The following CFHR4 variants were observed in gnomAD, a reference collection of about 807,000 sequenced individuals.
CFHR4 encodes the protein complement factor H-related protein 4.
In CFHR4, 64 loss-of-function variants were observed where a neutral mutation model predicts 69.3. The ratio of observed to expected loss-of-function variants is 0.92; its 90% CI spans 0.76 to 1.14. The LOEUF is 1.14. Among genes scored for constraint, CFHR4 ranks in the 50% most tolerant of loss-of-function variants. The pLI is 0.00. For missense variants in CFHR4, 636 were observed against 684.9 expected (o/e 0.93, Z 0.80); for synonymous variants, 244 against 237.0 (o/e 1.03, Z -0.27).
chr1:196,906,812 G>C (rs1341039734), intron 3 of CFHR4, 49 bp from the exon 4 acceptor site: 1 of 1,554,406 alleles, frequency 6.4e-7, no homozygotes, highest in Non-Finnish European at 8.7e-7. Flanking sequence ...TAGTCGAGTT[G>C]TACATCATAT....
intron 1 of CFHR4, among the ~76,000 whole-genome samples, chr1:196,895,641 T>C (rs1043904299): frequency 6.6e-6 from 1 of 151,518 alleles, no homozygotes; most frequent in Non-Finnish European, 1.5e-5. Flanking sequence ...CCTTTATTCA[T>C]ATTTCCATTT....
At chr1:196,910,238 A>G (rs959411831) in intron 5 of CFHR4, 43 bp from the exon 6 acceptor site, 3 of 1,152,194 alleles carry the variant, frequency 2.6e-6, no homozygotes, top group Non-Finnish European at 3.7e-6. Context: ...ATTGTCTGTT[A>G]CAGTGAAACA....
intron 9 of CFHR4, among the ~76,000 whole-genome samples, chr1:196,917,975 C>T (rs1452876074): frequency 6.6e-6 from 1 of 151,530 alleles, no homozygotes; most frequent in Non-Finnish European, 1.5e-5. Context: ...GAAAGACTGC[C>T]AGGGTTCACG....
intron 9 of CFHR4, among the ~76,000 whole-genome samples, chr1:196,915,746 G>T (rs1310874201): frequency 2.0e-5 from 3 of 151,466 alleles, no homozygotes; most frequent in Non-Finnish European, 4.4e-5. Flanking sequence ...TTTGTTAATG[G>T]ATACAATGAG....
intron 1 of CFHR4, among the ~76,000 whole-genome samples, chr1:196,898,850 G>A (rs1657446596): frequency 6.6e-6 from 1 of 151,422 alleles, no homozygotes; most frequent in Non-Finnish European, 1.5e-5. Context: ...ACAGATTTTG[G>A]TAGGAGGTCC....
intron 9 of CFHR4, among the ~76,000 whole-genome samples, chr1:196,916,031 C>A (rs796679537): frequency 6.8e-6 from 1 of 146,344 alleles, no homozygotes; most frequent in South Asian, 2.1e-4. Flanking sequence ...AAGAAATTAA[C>A]GAAACTTCAG....
intron 9 of CFHR4, among the ~76,000 whole-genome samples, chr1:196,915,654 A>C (rs1658572048): frequency 6.6e-6 from 1 of 151,390 alleles, no homozygotes; most frequent in African/African-American, 2.4e-5. Context: ...AAAAATAAAA[A>C]ATAAAAAATA....
At chr1:196,896,799 C>T (rs940134048) in intron 1 of CFHR4, among the ~76,000 whole-genome samples, 1 of 151,524 alleles carries the variant, frequency 6.6e-6, no homozygotes, top group Non-Finnish European at 1.5e-5. Context: ...GAGTCAGATT[C>T]CAGGTGTTTC....
rs375105110 is a variant in CFHR4 at position 196,917,672 on chromosome 1, G to A, written c.1541-538G>A. 2.2e-4 allele frequency among the ~76,000 whole-genome samples: 33 copies of A among 151,560 alleles called. No homozygotes were observed. The South Asian group carries it at 6.6e-3, about 31-fold the overall frequency. On this transcript the variant is annotated intron_variant, in intron 9 of 9. Transcript: ENST00000608469. ...CAGATATTGAGGTGTATGTATGTAT[G>A]TATGTATGTATGTATATATAGAGAG...
chr1:196,918,317 T>C lies in CFHR4; in HGVS notation c.1648T>C (p.Cys550Arg), dbSNP rs760376271. 6.2e-7 allele frequency: 1 copy of C among 1,610,864 alleles called. No homozygotes were observed. The highest frequency in any genetic ancestry group is 1.7e-5 in the Admixed American group (1 of 59,900). ...AKTGDTIEFM[C>R]KLGYNANTSV... ...AACAGGGGATACCATTGAATTTATG[T>C]GTAAATTGGGATATAATGCGAATAC... Residue 550 changes from cysteine (C) to arginine (R), a missense_variant, in exon 10 of 10, where the codon TGT becomes CGT. Around this residue, in one of 3 missense-constraint regions of CFHR4, gnomAD observed 85 missense variants for 79.0 expected, o/e 1.08. Transcript: ENST00000608469.
Position 196,913,043 on chromosome 1 carries a change from A to T in CFHR4, c.1180+121A>T, listed in dbSNP as rs566106057. 5.9e-4 allele frequency: 891 copies of T among 1,516,708 alleles called. 24 individuals are homozygous for T. The African/African-American group carries it at 0.011, about 19-fold the overall frequency. The allele number at this position is 1,516,708 out of a possible 1,614,324, so 94.0% of individuals were successfully genotyped here. A position where few individuals can be genotyped will look rare whatever the true frequency, so the allele number is the denominator to read the frequency against. On this transcript the variant is annotated intron_variant, in intron 7 of 9. Coordinates refer to ENST00000608469, the MANE Select transcript of CFHR4 (RefSeq NM_001201550.3). The stretch of plus-strand genomic sequence containing the variant: ...GGAGTAAAGAGATACAAATACTTCT[A>T]AAACCATTCAACATTCTGTGCCAAA...
intron 1 of CFHR4, among the ~76,000 whole-genome samples, chr1:196,900,684 A>G (rs796539492): frequency 2.6e-5 from 4 of 151,630 alleles, no homozygotes; most frequent in African/African-American, 9.7e-5. Flanking sequence ...TAAATGATCT[A>G]TGTTGAAGTA....
At chr1:196,891,891 A>G (rs981361124) in intron 1 of CFHR4, among the ~76,000 whole-genome samples, 3 of 151,394 alleles carry the variant, frequency 2.0e-5, no homozygotes, top group Non-Finnish European at 4.4e-5. Context: ...CTCACCTGAT[A>G]CATGAATTCT....
intron 2 of CFHR4, 29 bp downstream of exon 2, chr1:196,902,644 G>A (rs748063336): frequency 2.4e-5 from 36 of 1,498,704 alleles, no homozygotes; most frequent in East Asian, 4.5e-5. Context: ...AAGAATATGT[G>A]CATAAAACTT....
At chr1:196,903,366 T>C (rs1571429213) in intron 2 of CFHR4, among the ~76,000 whole-genome samples, 2 of 151,172 alleles carry the variant, frequency 1.3e-5, no homozygotes, top group East Asian at 3.9e-4. Context: ...GAAATATAAG[T>C]CAGGGGCCAG....
intron 1 of CFHR4, among the ~76,000 whole-genome samples, chr1:196,901,299 T>C (rs1657587846): frequency 6.6e-6 from 1 of 151,316 alleles, no homozygotes; most frequent in African/African-American, 2.4e-5. Context: ...ATATGGACTG[T>C]AGGCCAAGAA....
At chr1:196,899,052 G>C (rs1657455554) in intron 1 of CFHR4, among the ~76,000 whole-genome samples, 1 of 151,682 alleles carries the variant, frequency 6.6e-6, no homozygotes. Context: ...CACACAACAA[G>C]TGGAGGAGAA....
At chr1:196,906,325 C>T (rs1318913235) in intron 3 of CFHR4, among the ~76,000 whole-genome samples, 2 of 151,392 alleles carry the variant, frequency 1.3e-5, no homozygotes, top group South Asian at 2.1e-4. Flanking sequence ...ATGCTTATCA[C>T]GGGCTCTGCA....
chr1:196,910,543 A>T (rs1658204756), intron 6 of CFHR4, 65 bp downstream of exon 6: 12 of 1,306,760 alleles, frequency 9.2e-6, no homozygotes, highest in Non-Finnish European at 1.1e-5. Context: ...AGAAGAGCAA[A>T]CAAATGATTA....
Sources: allele counts gnomAD v4.1 joint callset (sites outside exome capture counted in the v4.1 genomes callset), GRCh38; gene constraint gnomAD v4.1.1; regional missense constraint gnomAD v4.1.1; transcripts MANE v1.5; gene names NCBI Gene and HGNC (gene_info 2026-07-23, HGNC 2026-07-21).